Variants in HINFP observed in about 807,000 individuals in gnomAD.
The protein encoded by HINFP is MBD2 (methyl-CpG-binding protein)-interacting zinc finger protein.
Under a neutral mutation model 50.1 loss-of-function variants are expected in HINFP, and 20 were observed. The ratio of observed to expected loss-of-function variants is 0.40; its 90% confidence interval spans 0.28 to 0.58. The LOEUF (loss-of-function observed/expected upper bound fraction) is 0.58, where lower values mean the gene tolerates loss of function less well. Ranked by LOEUF, HINFP falls within the 20% of genes least tolerant of loss-of-function variation. HINFP has a pLI of 0.45. For missense variants in HINFP, 505 were observed against 664.1 expected (o/e 0.76, Z 2.63); for synonymous variants, 247 against 243.7 (o/e 1.01, Z -0.13).
rs1253076822 is a variant in HINFP, at chr11:119,131,095, G to A, written c.411+141G>A. ...CATTTCTTTTGCTCTTTTAAAATTTGTTTATTTTTTACACACAGGCTCTTG... is the reference window on the plus strand; with the variant it reads ...CATTTCTTTTGCTCTTTTAAAATTTATTTATTTTTTACACACAGGCTCTTG... On this transcript the variant is annotated intron_variant, in intron 3 of 9. Transcript: ENST00000350777. The surrounding 1 kb of genome is among the most constrained non-coding windows in gnomAD (Gnocchi z 4.2). 6.2e-6 allele frequency: 5 copies of A among 809,758 alleles called. No individual in the cohort carries two copies. In the East Asian group the frequency reaches 1.3e-4, roughly 21 times the overall value. The allele number at this position is 809,758 out of a possible 1,614,324, so 50.2% of individuals were successfully genotyped here. A position where few individuals can be genotyped will look rare whatever the true frequency, so the allele number is the denominator to read the frequency against.
In HINFP at chr11:119,131,576, AG is replaced by A. The variant is rs767903709; in HGVS notation, c.454del (p.Ala152HisfsTer48). The part of the protein sequence containing the change: ...NPEWFYRHVE[A>X]HSLCCEYEAV... ...CTGAGTGGTTTTATCGGCATGTGGA[AG>A]CACACAGTCTGTGCTGTGAATACGA... On this transcript the variant is annotated frameshift_variant, in exon 4 of 10. Coordinates refer to ENST00000350777, the MANE Select transcript of HINFP (RefSeq NM_198971.3). LOFTEE classifies it high-confidence loss of function. The surrounding 1 kb of genome is among the most constrained non-coding windows in gnomAD (Gnocchi z 4.2). The A allele has an allele frequency of 6.2e-7, 1 of 1,614,178 alleles. No homozygotes were observed. Among genetic ancestry groups the A allele is most frequent in the South Asian group, 1.1e-5 (1 of 91,088 alleles).
At position 119,134,847 on chromosome 11, in the gene HINFP, A is replaced by G. The variant is rs1387310777; in HGVS notation, c.*349A>G. On this transcript the variant is annotated 3_prime_UTR_variant, in exon 10 of 10. Transcript: ENST00000350777. This position sits in a 1 kb window ranked among gnomAD's most constrained non-coding sequence, Gnocchi z 4.3. ...TCCATTCCCATCTTTCGGGCTCCTT[A>G]GGCCCAAGGATGGCATGTGACTGGT... 5.2e-6 allele frequency: 1 copy of G among 191,622 alleles called. No homozygotes were observed. Among genetic ancestry groups the G allele is most frequent in the African/African-American group, 2.3e-5 (1 of 43,106 alleles). The allele number at this position is 191,622 out of a possible 1,614,324, so 11.9% of individuals were successfully genotyped here. A position where few individuals can be genotyped will look rare whatever the true frequency, so the allele number is the denominator to read the frequency against.
At position 119,134,528 on chromosome 11, in the gene HINFP, A is replaced by G. The variant is rs1358316318; in HGVS notation, c.*30A>G. 5 of 1,524,174 alleles carry G rather than the reference A, an allele frequency of 3.3e-6. No individual in the cohort carries two copies. Among genetic ancestry groups the G allele is most frequent in the Non-Finnish European group, 4.4e-6 (5 of 1,132,538 alleles). 94.4% of individuals were successfully genotyped at this position (1,524,174 alleles called of 1,614,324 possible). A position where few individuals can be genotyped will look rare whatever the true frequency, so the allele number is the denominator to read the frequency against. On this transcript the variant is annotated 3_prime_UTR_variant, in exon 10 of 10. Coordinates refer to ENST00000350777, the MANE Select transcript of HINFP (RefSeq NM_198971.3). This position sits in a 1 kb window ranked among gnomAD's most constrained non-coding sequence, Gnocchi z 4.3. The stretch of plus-strand genomic sequence containing the variant: ...CGCAGAGCCAGACCATTTCTTCCCC[A>G]GGTCCTGAAGTTTGAGCCAGGCAAG...
In HINFP at chr11:119,134,705, G is replaced by A. The variant is rs1161169606; in HGVS notation, c.*207G>A. On this transcript the variant is annotated 3_prime_UTR_variant, in exon 10 of 10. Coordinates refer to ENST00000350777, the MANE Select transcript of HINFP (RefSeq NM_198971.3). The surrounding 1 kb of genome is among the most constrained non-coding windows in gnomAD (Gnocchi z 4.3). ...AGACTACATTTTGTGGGGAGCCTGA[G>A]GACTCTGGATTCTTTGAGGGGATCC... 1.9e-6 allele frequency: 1 copy of A among 515,618 alleles called. No homozygotes were observed. Among genetic ancestry groups the A allele is most frequent in the Non-Finnish European group, 3.4e-6 (1 of 290,872 alleles). 31.9% of individuals were successfully genotyped at this position (515,618 alleles called of 1,614,324 possible).
chr11:119,130,904 G>A lies in HINFP; in HGVS notation c.361G>A (p.Val121Ile), dbSNP rs763207518. The change falls in exon 3 of 10, where the codon GTC (valine) becomes ATC (isoleucine). Residue 121 changes from valine to isoleucine, a missense_variant. Coordinates refer to ENST00000350777, the MANE Select transcript of HINFP (RefSeq NM_198971.3). ...PCILDFQSRN[V>I]IPDIPDHFLC... ...CATCCTGGACTTCCAGAGCCGGAAC[G>A]TCATCCCTGATATCCCTGACCACTT... The A allele has an allele frequency of 1.2e-5, 20 of 1,614,104 alleles. No individual in the cohort carries two copies. Among genetic ancestry groups the A allele is most frequent in the Middle Eastern group, 1.6e-4 (1 of 6,084 alleles).
At chr11:119,125,035 G>GTATGT (rs1420094853) in intron 1 of HINFP, 1 of 100,192 alleles carries the variant, frequency 1.0e-5, no homozygotes, top group African/African-American at 4.0e-5. Flanking sequence ...GTGTGTGTGT[G>GTATGT]TTTTTTTTTT....
intron 2 of HINFP, among the ~76,000 whole-genome samples, chr11:119,129,222 G>A (rs533129119): frequency 1.2e-4 from 18 of 151,802 alleles, no homozygotes; most frequent in African/African-American, 4.4e-4. Context: ...TGTATTTTTA[G>A]TAGAGACAGG....
chr11:119,130,694 CAG>C, intron 2 of HINFP, 29 bp from the exon 3 acceptor site: 1 of 1,595,252 alleles, frequency 6.3e-7, no homozygotes, highest in East Asian at 2.2e-5. Context: ...TGGAAAGTGT[CAG>C]ACTCTTCCTT....
At chr11:119,130,091 G>A (rs1156953247) in intron 2 of HINFP, 1 of 152,466 alleles carries the variant, frequency 6.6e-6, no homozygotes, top group Admixed American at 6.5e-5. Flanking sequence ...GGGCCTTCTT[G>A]GAGAAGGCAG....
At position 119,134,249 on chromosome 11, in the gene HINFP, G is replaced by A. The variant is rs746792178; in HGVS notation, c.1305G>A (p.Glu435=). The A allele has an allele frequency of 6.2e-7, 1 of 1,614,162 alleles. No individual in the cohort carries two copies. Among genetic ancestry groups the A allele is most frequent in the Non-Finnish European group, 8.5e-7 (1 of 1,179,976 alleles). The change falls in exon 10 of 10, where the codon GAG becomes GAA. Residue 435 remains glutamate, a synonymous_variant. Coordinates refer to ENST00000350777, the MANE Select transcript of HINFP (RefSeq NM_198971.3). This position sits in a 1 kb window ranked among gnomAD's most constrained non-coding sequence, Gnocchi z 4.3. ...TTATTCTAGAAACAGTGCCAGGGGA[G>A]CCAGGACGTAAGGAAGAGGAAGAGG... ...QGIILETVPG[E]PGRKEEEEEG...
At chr11:119,130,998 G>T (rs771862921) in intron 3 of HINFP, 44 bp downstream of exon 3, 3 of 1,493,626 alleles carry the variant, frequency 2.0e-6, no homozygotes, top group Non-Finnish European at 2.8e-6. Context: ...GAAGCTGGGG[G>T]TCTTAACTCT....
Position 119,131,130 on chromosome 11 carries a change from C to A in HINFP, c.411+176C>A. Reference sequence around the variant, plus strand: ...TACACACAGGCTCTTGATCTGAAGCCCAGGCTAGAGTGCAGTGGTACAATC... The same window carrying A: ...TACACACAGGCTCTTGATCTGAAGCACAGGCTAGAGTGCAGTGGTACAATC... On this transcript the variant is annotated intron_variant, in intron 3 of 9. Transcript: ENST00000350777. This position sits in a 1 kb window ranked among gnomAD's most constrained non-coding sequence, Gnocchi z 4.2. 1 of 711,978 alleles carries A rather than the reference C, an allele frequency of 1.4e-6. No individual in the cohort carries two copies. The highest frequency in any genetic ancestry group is 2.5e-6 in the Non-Finnish European group (1 of 397,146). The allele number at this position is 711,978 out of a possible 1,614,324, so 44.1% of individuals were successfully genotyped here.
chr11:119,131,421 A>G lies in HINFP; in HGVS notation c.412-114A>G. On this transcript the variant is annotated intron_variant, in intron 3 of 9. Coordinates refer to ENST00000350777, the MANE Select transcript of HINFP (RefSeq NM_198971.3). This position sits in a 1 kb window ranked among gnomAD's most constrained non-coding sequence, Gnocchi z 4.2. ...CATTTCTGTGCAGTGCCTTTCCTCAAAATTTCCCATCCCCATCAAGTTAAT... is the reference window on the plus strand; with the variant it reads ...CATTTCTGTGCAGTGCCTTTCCTCAGAATTTCCCATCCCCATCAAGTTAAT... 2 of 782,538 alleles carry G rather than the reference A, an allele frequency of 2.6e-6. No homozygotes were observed. Among genetic ancestry groups the G allele is most frequent in the Non-Finnish European group, 4.5e-6 (2 of 442,364 alleles). The allele number at this position is 782,538 out of a possible 1,614,324, so 48.5% of individuals were successfully genotyped here.
chr11:119,128,312 AT>A (rs1292483347), intron 2 of HINFP, among the ~76,000 whole-genome samples: 10 of 148,048 alleles, frequency 6.8e-5, no homozygotes, highest in African/African-American at 9.9e-5. Flanking sequence ...TGGGTACTTT[AT>A]TTTTTTTTTG....
In HINFP at chr11:119,134,717, C is replaced by A; in HGVS notation, c.*219C>A. On this transcript the variant is annotated 3_prime_UTR_variant, in exon 10 of 10. Coordinates refer to ENST00000350777, the MANE Select transcript of HINFP (RefSeq NM_198971.3). This position sits in a 1 kb window ranked among gnomAD's most constrained non-coding sequence, Gnocchi z 4.3. ...GTGGGGAGCCTGAGGACTCTGGATT[C>A]TTTGAGGGGATCCTGGATGTGTGTG... 2.0e-6 allele frequency: 1 copy of A among 496,278 alleles called. No individual in the cohort carries two copies. Among genetic ancestry groups the A allele is most frequent in the Admixed American group, 3.4e-5 (1 of 29,624 alleles). 30.7% of individuals were successfully genotyped at this position (496,278 alleles called of 1,614,324 possible).
chr11:119,131,910 C>G lies in HINFP; in HGVS notation c.604C>G (p.Pro202Ala). 1 of 1,614,172 alleles carries G rather than the reference C, an allele frequency of 6.2e-7. No homozygotes were observed. ...TACCCAGGAGAAAGTGGTAGCCTGC[C>G]CCACCTGTGGGGGCATGTTTGCCAA... The part of the protein sequence containing the change: ...SHTQEKVVAC[P>A]TCGGMFANNT... Residue 202 changes from proline to alanine, a missense_variant, in exon 5 of 10, where the codon CCC becomes GCC. Transcript: ENST00000350777. This position sits in a 1 kb window ranked among gnomAD's most constrained non-coding sequence, Gnocchi z 4.2.
At chr11:119,123,117 G>A (rs1592256533) in intron 1 of HINFP, among the ~76,000 whole-genome samples, 1 of 96,016 alleles carries the variant, frequency 1.0e-5, no homozygotes, top group Admixed American at 1.8e-4. Flanking sequence ...GACAGAGCAA[G>A]ACTCCATCTC....
chr11:119,127,261 A>T, intron 2 of HINFP, 136 bp downstream of exon 2: 3 of 684,836 alleles, frequency 4.4e-6, no homozygotes, highest in Non-Finnish European at 6.9e-6. Flanking sequence ...GTATATAAAA[A>T]CATTGTAAAC....
chr11:119,123,317 G>C (rs1378214944), intron 1 of HINFP, among the ~76,000 whole-genome samples: 1 of 152,014 alleles, frequency 6.6e-6, no homozygotes, highest in East Asian at 1.9e-4. Context: ...TCTTACATCA[G>C]ATGAAGTGTA....
Sources: allele counts gnomAD v4.1 joint callset (sites outside exome capture counted in the v4.1 genomes callset), GRCh38; gene constraint gnomAD v4.1.1; non-coding constraint Gnocchi (gnomAD v3.1); transcripts MANE v1.5; gene names NCBI Gene and HGNC (gene_info 2026-07-23, HGNC 2026-07-21).